MALL: variants seen among roughly 807,000 people sequenced by gnomAD.
The protein encoded by MALL is MAL-like protein.
In MALL, 2 loss-of-function variants were observed where a neutral mutation model predicts 10.3. The observed-to-expected ratio is 0.19, with a 90% CI of 0.08 to 0.61. The LOEUF (loss-of-function observed/expected upper bound fraction) is 0.61, where lower values mean the gene tolerates loss of function less well. Among genes scored for constraint, MALL ranks in the 20% least tolerant of loss-of-function variants. MALL has a pLI of 0.88. For synonymous variants in MALL, 27 were observed against 51.8 expected (o/e 0.52, Z 2.05); for missense variants, 39 against 115.2 (o/e 0.34, Z 3.03).
At chr2:110,094,994 A>G (rs1419158439) in intron 1 of MALL, among the ~76,000 whole-genome samples, 2 of 131,828 alleles carry the variant, frequency 1.5e-5, no homozygotes, top group African/African-American at 5.9e-5. Context: ...CAATGGCTTC[A>G]GTGTTGCAGA....
At chr2:110,089,817 GT>G (rs1462728698) in intron 2 of MALL, among the ~76,000 whole-genome samples, 18 of 8,124 alleles carry the variant, frequency 2.2e-3, no homozygotes, top group African/African-American at 0.011. Flanking sequence ...TTGGCTCTTT[GT>G]CCCCACCCAA....
intron 1 of MALL, among the ~76,000 whole-genome samples, chr2:110,112,665 A>C (rs1678829230): frequency 6.6e-6 from 1 of 152,068 alleles, no homozygotes; most frequent in Non-Finnish European, 1.5e-5. Context: ...CACTATGGAA[A>C]ACAGTGTGGA....
intron 1 of MALL, among the ~76,000 whole-genome samples, chr2:110,110,533 AC>A (rs1253881476): frequency 2.0e-5 from 3 of 152,096 alleles, no homozygotes; most frequent in Non-Finnish European, 4.4e-5. Flanking sequence ...AATTAGATAC[AC>A]TAAACAGATC....
chr2:110,099,168 G>A (rs1262248954), intron 1 of MALL, among the ~76,000 whole-genome samples: 1 of 152,094 alleles, frequency 6.6e-6, no homozygotes, highest in Non-Finnish European at 1.5e-5. Context: ...AAATGAGTGG[G>A]AGTTTGGTTC....
At chr2:110,117,645 G>A (rs73954608), upstream of MALL, among the ~76,000 whole-genome samples, 5,732 of 150,004 alleles carry the variant, frequency 0.038, 314 homozygotes, top group African/African-American at 0.13. Flanking sequence ...GAGAGAGAGA[G>A]AGAGAGAGAG....
chr2:110,115,924 G>A, upstream of MALL: 1 of 410,202 alleles, frequency 2.4e-6, no homozygotes, highest in Non-Finnish European at 4.2e-6. Flanking sequence ...AGCCGAGCAG[G>A]TCCTTCCACT....
At chr2:110,100,868 C>T (rs1345691607) in intron 1 of MALL, among the ~76,000 whole-genome samples, 2 of 152,160 alleles carry the variant, frequency 1.3e-5, no homozygotes, top group South Asian at 2.1e-4. Context: ...ATGACAGGCC[C>T]GCTGTCAGGG....
intron 1 of MALL, among the ~76,000 whole-genome samples, chr2:110,114,068 G>A (rs1678859472): frequency 6.6e-6 from 1 of 151,928 alleles, no homozygotes; most frequent in South Asian, 2.1e-4. Context: ...GGGCAGGTGC[G>A]GCCAACATGA....
intron 1 of MALL, among the ~76,000 whole-genome samples, chr2:110,103,147 G>A (rs960884314): frequency 2.0e-5 from 3 of 152,164 alleles, no homozygotes; most frequent in Non-Finnish European, 2.9e-5. Flanking sequence ...CTGGGACCCC[G>A]CTGGTATCTT....
chr2:110,100,078 G>A (rs1305692111), intron 1 of MALL, among the ~76,000 whole-genome samples: 2 of 151,938 alleles, frequency 1.3e-5, no homozygotes, highest in African/African-American at 2.4e-5. Flanking sequence ...CCTTTATGCT[G>A]GGCTCCCCAA....
chr2:110,113,737 G>A (rs770471738), intron 1 of MALL, among the ~76,000 whole-genome samples: 1 of 152,092 alleles, frequency 6.6e-6, no homozygotes, highest in African/African-American at 2.4e-5. Context: ...GGACATTAGT[G>A]AGAAAATTAG....
intron 1 of MALL, among the ~76,000 whole-genome samples, chr2:110,114,662 G>A (rs927140343): frequency 6.6e-6 from 1 of 151,106 alleles, no homozygotes; most frequent in South Asian, 2.1e-4. Context: ...TAACCCGTTC[G>A]CCAGTTTGCC....
upstream of MALL, among the ~76,000 whole-genome samples, chr2:110,117,624 TGAGAGAGAGAGA>T (rs70958730): frequency 1.1e-4 from 14 of 122,718 alleles, no homozygotes; most frequent in Admixed American, 1.6e-4. Flanking sequence ...TGTGTGTGTG[TGAGAGAGAGAGA>T]GAGAGAGAGA....
intron 1 of MALL, among the ~76,000 whole-genome samples, chr2:110,095,920 G>A (rs1289602941): frequency 6.6e-6 from 1 of 152,162 alleles, no homozygotes; most frequent in Non-Finnish European, 1.5e-5. Context: ...AGCTATGATG[G>A]ATTGGAATGC....
chr2:110,097,454 G>T, intron 1 of MALL: 1 of 456,452 alleles, frequency 2.2e-6, no homozygotes, highest in Non-Finnish European at 4.4e-6. Flanking sequence ...TTCTGAATGG[G>T]AAGAGATAAG....
chr2:110,107,213 C>A (rs1313698208), intron 1 of MALL, among the ~76,000 whole-genome samples: 1 of 152,110 alleles, frequency 6.6e-6, no homozygotes, highest in Non-Finnish European at 1.5e-5. Flanking sequence ...GTACCAAGGG[C>A]AGCTTCTGGG....
At chr2:110,101,899 A>C (rs938695912) in intron 1 of MALL, among the ~76,000 whole-genome samples, 1 of 152,064 alleles carries the variant, frequency 6.6e-6, no homozygotes, top group Admixed American at 6.5e-5. Context: ...CCTTTTGACT[A>C]CCTGTGTACC....
At chr2:110,103,049 G>A (rs1018727269) in intron 1 of MALL, among the ~76,000 whole-genome samples, 1 of 152,184 alleles carries the variant, frequency 6.6e-6, no homozygotes, top group Non-Finnish European at 1.5e-5. Context: ...AAAGAATCCA[G>A]TCTTCTTTGA....
intron 1 of MALL, chr2:110,097,583 ACGC>A (rs1678473617): frequency 2.2e-6 from 1 of 455,930 alleles, no homozygotes; most frequent in Admixed American, 2.4e-5. Context: ...TCTGAGACAG[ACGC>A]TGCCTGAGTA....
Sources: allele counts gnomAD v4.1 joint callset (sites outside exome capture counted in the v4.1 genomes callset), GRCh38; gene constraint gnomAD v4.1.1; transcripts MANE v1.5; gene names NCBI Gene and HGNC (gene_info 2026-07-23, HGNC 2026-07-21).